Variants in XIRP2 observed in about 807,000 individuals in gnomAD.
The protein encoded by XIRP2 is xin actin binding repeat containing 2.
Under a neutral mutation model 277.0 loss-of-function variants are expected in XIRP2, and 236 were observed. The ratio of observed to expected loss-of-function variants is 0.85; its 90% CI spans 0.77 to 0.95. The LOEUF (loss-of-function observed/expected upper bound fraction) is 0.95. Ranked by LOEUF, XIRP2 falls within the 40% of genes least tolerant of loss-of-function variation. XIRP2 has a pLI of 0.00. For missense variants in XIRP2, 4,640 were observed against 4,157.5 expected, an observed-to-expected ratio of 1.12 and a Z score of -3.19; for synonymous variants, 1,490 against 1,416.5, an observed-to-expected ratio of 1.05 and a Z score of -1.17.
intron 5 of XIRP2, among the ~76,000 whole-genome samples, chr2:167,238,465 A>G (rs1388523815): frequency 6.6e-6 from 1 of 152,092 alleles, no homozygotes; most frequent in African/African-American, 2.4e-5. Context: ...ATCTCTAACT[A>G]CATGACTAAC....
intron 2 of XIRP2, among the ~76,000 whole-genome samples, chr2:167,065,458 G>C (rs977392883): frequency 3.3e-5 from 5 of 151,762 alleles, no homozygotes; most frequent in Middle Eastern, 3.4e-3. Context: ...CCCATTCTAG[G>C]TGATGGCTTT....
intron 2 of XIRP2, among the ~76,000 whole-genome samples, chr2:167,074,230 A>G (rs1689505562): frequency 6.6e-6 from 1 of 152,150 alleles, no homozygotes; most frequent in Non-Finnish European, 1.5e-5. Context: ...TTCAAGGTTT[A>G]AGGATAAATA....
chr2:167,085,779 G>T (rs1353064442), intron 2 of XIRP2, among the ~76,000 whole-genome samples: 1 of 151,738 alleles, frequency 6.6e-6, no homozygotes, highest in African/African-American at 2.4e-5. Flanking sequence ...TGCCTTTTTT[G>T]TTTTCCATTT....
chr2:167,129,290 C>T (rs888766213), intron 2 of XIRP2, among the ~76,000 whole-genome samples: 4 of 152,124 alleles, frequency 2.6e-5, no homozygotes, highest in Non-Finnish European at 5.9e-5. Context: ...GCTAGCTCAG[C>T]ATTTTAAATG....
intron 5 of XIRP2, among the ~76,000 whole-genome samples, chr2:167,234,844 A>T (rs1646844112): frequency 6.6e-6 from 1 of 151,868 alleles, no homozygotes; most frequent in African/African-American, 2.4e-5. Context: ...TGTCATCATA[A>T]ATATCTCAAC....
chr2:166,962,848 T>C (rs761709060), intron 2 of XIRP2, among the ~76,000 whole-genome samples: 32 of 151,874 alleles, frequency 2.1e-4, no homozygotes, highest in Admixed American at 3.3e-4. Context: ...CAAATTTCTG[T>C]ACCAGAACAG....
At chr2:167,094,720 C>G (rs538670734) in intron 2 of XIRP2, among the ~76,000 whole-genome samples, 3 of 152,076 alleles carry the variant, frequency 2.0e-5, no homozygotes, top group Non-Finnish European at 4.4e-5. Context: ...GTTACTGTGG[C>G]CTTGTAGTAT....
At chr2:167,039,795 A>G (rs1216209038) in intron 2 of XIRP2, among the ~76,000 whole-genome samples, 1 of 152,204 alleles carries the variant, frequency 6.6e-6, no homozygotes, top group Non-Finnish European at 1.5e-5. Context: ...CTGATTTTAA[A>G]CTGTAACAAA....
chr2:167,015,984 C>T (rs1687818159), intron 2 of XIRP2, among the ~76,000 whole-genome samples: 1 of 151,812 alleles, frequency 6.6e-6, no homozygotes, highest in African/African-American at 2.4e-5. Context: ...ACTCTCTCTT[C>T]CATAACATGA....
At chr2:166,974,720 CAA>C (rs1183092648) in intron 2 of XIRP2, among the ~76,000 whole-genome samples, 1 of 151,612 alleles carries the variant, frequency 6.6e-6, no homozygotes, top group Non-Finnish European at 1.5e-5. Context: ...ATAGGAGTAA[CAA>C]GAGAAGAGAA....
At chr2:166,950,955 G>A (rs897222780) in intron 2 of XIRP2, among the ~76,000 whole-genome samples, 22 of 152,076 alleles carry the variant, frequency 1.4e-4, no homozygotes, top group African/African-American at 3.4e-4. Flanking sequence ...TTCCTATAAC[G>A]AGGGATGCTA....
intron 2 of XIRP2, among the ~76,000 whole-genome samples, chr2:166,950,928 G>A (rs1397669501): frequency 6.6e-6 from 1 of 151,994 alleles, no homozygotes; most frequent in Non-Finnish European, 1.5e-5. Context: ...GCACAGAATA[G>A]ACACTCAGTA....
rs544234099 is a variant in XIRP2, at chr2:167,024,460, A to G, written c.409-111449A>G. Among the ~76,000 whole-genome samples the G allele has an allele frequency of 3.9e-5, 6 of 152,150 alleles. No homozygotes were observed. In the South Asian group the frequency reaches 1.2e-3, roughly 32 times the overall value. On this transcript the variant is annotated intron_variant, in intron 2 of 10. Transcript: ENST00000409195. Reference sequence around the variant, plus strand: ...TACCCTTTATTTCCTTCTCCTGCCTAACTGCCCTGGCCAGAACTTCCCACA... The same window carrying G: ...TACCCTTTATTTCCTTCTCCTGCCTGACTGCCCTGGCCAGAACTTCCCACA...
chr2:166,966,797 C>T (rs1686445036), intron 2 of XIRP2, among the ~76,000 whole-genome samples: 3 of 151,992 alleles, frequency 2.0e-5, no homozygotes, highest in Admixed American at 2.0e-4. Context: ...ATAATCAGAT[C>T]ATTTGCAAAA....
chr2:167,048,625 C>G (rs1347806696), intron 2 of XIRP2, among the ~76,000 whole-genome samples: 1 of 151,700 alleles, frequency 6.6e-6, no homozygotes, highest in African/African-American at 2.4e-5. Context: ...CTTTAGGACA[C>G]AGAAGACAGC....
chr2:167,254,304 A>T, intron 10 of XIRP2, 139 bp downstream of exon 10: 3 of 1,045,874 alleles, frequency 2.9e-6, no homozygotes, highest in Non-Finnish European at 3.8e-6. Context: ...AGATTTGCTC[A>T]TGTTCTGTGA....
rs201878348 is a variant in XIRP2, at chr2:166,962,530, AT to A, written c.408+58642del. ...TAACAGCAAATTATTAAAGCAATTTATTGCAAGCATATATTCACATTTATTT... is the reference window on the plus strand; with the variant it reads ...TAACAGCAAATTATTAAAGCAATTTATGCAAGCATATATTCACATTTATTT... On this transcript the variant is annotated intron_variant, in intron 2 of 10. Transcript: ENST00000409195. 3.5e-3 allele frequency among the ~76,000 whole-genome samples: 530 copies of A among 151,920 alleles called. 4 individuals carry two copies. Among genetic ancestry groups the A allele is most frequent in the African/African-American group, 0.012 (501 of 41,520 alleles).
At chr2:166,958,542 C>T (rs1303236413) in intron 2 of XIRP2, among the ~76,000 whole-genome samples, 3 of 151,618 alleles carry the variant, frequency 2.0e-5, no homozygotes, top group Non-Finnish European at 4.4e-5. Flanking sequence ...GTGTGTGAAG[C>T]TGGATGAATT....
intron 3 of XIRP2, among the ~76,000 whole-genome samples, chr2:167,155,987 C>T (rs112150294): frequency 0.038 from 5,152 of 136,346 alleles, 151 homozygotes; most frequent in Middle Eastern, 0.096. Context: ...TGAGTGCACT[C>T]CCATTCACAA....
Sources: gnomAD v4.1 joint callset for allele counts (sites outside exome capture counted in the v4.1 genomes callset) on GRCh38, gnomAD v4.1.1 for gene constraint, MANE v1.5 for transcripts, NCBI Gene and HGNC (gene_info 2026-07-23, HGNC 2026-07-21) for gene names.